The following NHSL1 variants were observed in gnomAD, a reference collection of about 807,000 sequenced individuals.
The protein encoded by NHSL1 is NHS-like protein 1.
In NHSL1, 48 loss-of-function variants were observed where a neutral mutation model predicts 95.0. The ratio of observed to expected loss-of-function variants is 0.51; its 90% CI spans 0.40 to 0.64. The LOEUF (loss-of-function observed/expected upper bound fraction) is 0.64. Ranked by LOEUF, NHSL1 falls within the 30% of genes least tolerant of loss-of-function variation. The pLI, the probability that NHSL1 is intolerant of heterozygous loss-of-function variation, is 0.00. For synonymous variants in NHSL1, 783 were observed against 833.9 expected (o/e 0.94, Z 1.05); for missense variants, 1,971 against 2,077.7 (o/e 0.95, Z 1.00).
At chr6:138,477,254 T>C (rs1417126878) in intron 2 of NHSL1, among the ~76,000 whole-genome samples, 1 of 152,198 alleles carries the variant, frequency 6.6e-6, no homozygotes, top group Non-Finnish European at 1.5e-5. Flanking sequence ...ACTAAATTAA[T>C]TTGTTGTTCA....
At chr6:138,667,286 G>A (rs72981166) in intron 1 of NHSL1, among the ~76,000 whole-genome samples, 3,247 of 152,210 alleles carry the variant, frequency 0.021, 35 homozygotes, top group Middle Eastern at 0.065. Flanking sequence ...AATAGAACAA[G>A]CATAACAAGA....
intron 3 of NHSL1, among the ~76,000 whole-genome samples, chr6:138,460,204 T>C (rs977440274): frequency 6.6e-6 from 1 of 152,212 alleles, no homozygotes; most frequent in Non-Finnish European, 1.5e-5. Context: ...TTTTTTTCAA[T>C]TTGATGTAAA....
chr6:138,638,695 T>C (rs1025805554), intron 1 of NHSL1, among the ~76,000 whole-genome samples: 3 of 152,198 alleles, frequency 2.0e-5, no homozygotes, highest in Admixed American at 1.3e-4. Context: ...ACACTATTCC[T>C]GGGTACATTT....
chr6:138,615,050 G>C (rs1421409080), intron 1 of NHSL1, among the ~76,000 whole-genome samples: 1 of 147,584 alleles, frequency 6.8e-6, no homozygotes, highest in Non-Finnish European at 1.5e-5. Context: ...TTTGAGTTCA[G>C]ACAAACACCA....
In NHSL1 at chr6:138,442,380, T is replaced by C. The variant is rs1562275529; in HGVS notation, c.533-266A>G. On this transcript the variant is annotated intron_variant, in intron 4 of 7. Coordinates refer to ENST00000343505, the MANE Select transcript of NHSL1 (RefSeq NM_001144060.2). Reference sequence around the variant, plus strand: ...AGCAAATGCAAGTTTAATAACACACTGGAAGAGTCACTCTGTGTTATTTAA... The same window carrying C: ...AGCAAATGCAAGTTTAATAACACACCGGAAGAGTCACTCTGTGTTATTTAA... 2.0e-5 allele frequency among the ~76,000 whole-genome samples: 3 copies of C among 152,214 alleles called. 1 individual carries two copies. Among genetic ancestry groups the C allele is most frequent in the African/African-American group, 7.2e-5 (3 of 41,448 alleles).
At chr6:138,608,913 G>C (rs755709692) in intron 1 of NHSL1, among the ~76,000 whole-genome samples, 1 of 152,156 alleles carries the variant, frequency 6.6e-6, no homozygotes, top group Non-Finnish European at 1.5e-5. Flanking sequence ...CAACCCCACT[G>C]TCTTGCCCAT....
intron 1 of NHSL1, among the ~76,000 whole-genome samples, chr6:138,538,522 C>T (rs1042033847): frequency 1.3e-5 from 2 of 152,192 alleles, no homozygotes; most frequent in Non-Finnish European, 1.5e-5. Flanking sequence ...CCTTCCCTTT[C>T]CTAAGAGACC....
intron 2 of NHSL1, among the ~76,000 whole-genome samples, chr6:138,476,957 T>TAAAAAAAAAAAAAAAAAAAA (rs58311101): frequency 9.9e-6 from 1 of 100,514 alleles, no homozygotes. Flanking sequence ...TCCCTGAATC[T>TAAAAAAAAAAAAAAAAAAAA]AAAAAAAAAA....
chr6:138,544,768 T>G (rs764024032), intron 1 of NHSL1, among the ~76,000 whole-genome samples: 3 of 151,956 alleles, frequency 2.0e-5, no homozygotes, highest in Non-Finnish European at 4.4e-5. Context: ...AACAATCACA[T>G]AGACAAACAC....
intron 1 of NHSL1, among the ~76,000 whole-genome samples, chr6:138,625,271 T>C (rs1399389775): frequency 6.6e-6 from 1 of 152,048 alleles, no homozygotes; most frequent in East Asian, 1.9e-4. Flanking sequence ...GCCTCCTGAG[T>C]AGCTGGGACT....
In NHSL1 at chr6:138,496,276, G is replaced by C. The variant is rs1780344310; in HGVS notation, c.154C>G (p.Pro52Ala). The C allele has an allele frequency of 1.3e-6, 2 of 1,550,916 alleles. No individual in the cohort carries two copies. The highest frequency in any genetic ancestry group is 2.7e-5 in the African/African-American group (2 of 73,004). The change falls in exon 2 of 8, where the codon CCC becomes GCC. Residue 52 changes from proline (P) to alanine (A), a missense_variant. Physicochemically the swap from Pro to Ala is conservative, Grantham distance 27. Coordinates refer to ENST00000343505, the MANE Select transcript of NHSL1 (RefSeq NM_001144060.2). ...TGGCGGTGCAGGTCCTCAACACAGG[G>C]GGGTCTTGTGGTGGGAAGGAACACA... Reference protein sequence around the residue: ...ENVFLPTTRPPCVEDLHRQAK... With the variant: ...ENVFLPTTRPACVEDLHRQAK...
chr6:138,583,465 C>A (rs2114497014), intron 1 of NHSL1, among the ~76,000 whole-genome samples: 1 of 152,298 alleles, frequency 6.6e-6, no homozygotes, highest in Non-Finnish European at 1.5e-5. Flanking sequence ...AGGGATTGGG[C>A]TATGTGAGGT....
chr6:138,509,404 A>T (rs942894954), intron 1 of NHSL1, among the ~76,000 whole-genome samples: 4 of 152,224 alleles, frequency 2.6e-5, no homozygotes, highest in Non-Finnish European at 5.9e-5. Flanking sequence ...TCGTATTTTT[A>T]AAATTGGATA....
At chr6:138,468,919 T>C (rs774928398) in intron 3 of NHSL1, among the ~76,000 whole-genome samples, 1 of 152,358 alleles carries the variant, frequency 6.6e-6, no homozygotes, top group South Asian at 2.1e-4. Flanking sequence ...GCATTTGCTT[T>C]ACTGTTACAT....
intron 1 of NHSL1, among the ~76,000 whole-genome samples, chr6:138,513,372 T>A (rs1781317509): frequency 6.6e-6 from 1 of 152,066 alleles, no homozygotes; most frequent in Non-Finnish European, 1.5e-5. Flanking sequence ...TGAATGTAAG[T>A]AACTTTTTTT....
At chr6:138,464,944 C>T (rs1179312359) in intron 3 of NHSL1, among the ~76,000 whole-genome samples, 2 of 151,264 alleles carry the variant, frequency 1.3e-5, no homozygotes, top group Non-Finnish European at 2.9e-5. Context: ...AACTCCTGGC[C>T]TCAGGTGATC....
chr6:138,547,252 C>T (rs1287443820), upstream of NHSL1, among the ~76,000 whole-genome samples: 1 of 151,482 alleles, frequency 6.6e-6, no homozygotes, highest in Non-Finnish European at 1.5e-5. Context: ...ATGTTGTCTA[C>T]CATAAGGAAG....
intron 1 of NHSL1, among the ~76,000 whole-genome samples, chr6:138,645,593 C>G (rs756200967): frequency 3.4e-4 from 52 of 151,576 alleles, no homozygotes; most frequent in Admixed American, 1.4e-3. Context: ...TTGCAGCCCC[C>G]ACCTCCTAGG....
chr6:138,458,828 C>CAA (rs59461892), intron 3 of NHSL1, among the ~76,000 whole-genome samples: 10,109 of 124,156 alleles, frequency 0.081, 1,085 homozygotes, highest in African/African-American at 0.25. Context: ...AAATCTGTCT[C>CAA]AAAAAAAAAA....
Sources: allele counts gnomAD v4.1 joint callset (sites outside exome capture counted in the v4.1 genomes callset), GRCh38; gene constraint gnomAD v4.1.1; transcripts MANE v1.5; gene names NCBI Gene and HGNC (gene_info 2026-07-23, HGNC 2026-07-21).